PALM2AKAP2: variants seen among roughly 807,000 people sequenced by gnomAD.
PALM2AKAP2 encodes the protein PALM2-AKAP2 fusion protein.
A neutral mutation model predicts 71.5 loss-of-function variants in PALM2AKAP2; 37 were observed. That is an observed-to-expected ratio of 0.52 (90% CI 0.40 to 0.68). The LOEUF is 0.68. PALM2AKAP2 is among the 30% of genes least tolerant of loss of function. The pLI is 0.00. For synonymous variants in PALM2AKAP2, 468 were observed against 478.8 expected (o/e 0.98, Z 0.29); for missense variants, 1,224 against 1,191.8 (o/e 1.03, Z -0.40).
intron 1 of PALM2AKAP2, among the ~76,000 whole-genome samples, chr9:109,691,211 A>ACACG (rs1564114415): frequency 4.0e-5 from 6 of 151,152 alleles, no homozygotes; most frequent in African/African-American, 1.5e-4. Flanking sequence ...ACACATGCAC[A>ACACG]CACAGCTTCA....
intron 1 of PALM2AKAP2, among the ~76,000 whole-genome samples, chr9:109,698,445 T>C (rs1233135115): frequency 6.6e-6 from 1 of 152,044 alleles, no homozygotes; most frequent in East Asian, 1.9e-4. Flanking sequence ...GCCTGGCTAA[T>C]ATTTTGTATT....
intron 6 of PALM2AKAP2, among the ~76,000 whole-genome samples, chr9:109,951,978 T>C (rs1173329015): frequency 6.6e-6 from 1 of 152,226 alleles, no homozygotes; most frequent in Non-Finnish European, 1.5e-5. Context: ...GTTCATCTGG[T>C]GCAGTCTGCT....
At chr9:110,106,484 T>TAAGGCTACA (rs1256919491) in intron 1 of PALM2AKAP2, among the ~76,000 whole-genome samples, 3 of 152,156 alleles carry the variant, frequency 2.0e-5, no homozygotes, top group Non-Finnish European at 4.4e-5. Context: ...GGGGGATGTG[T>TAAGGCTACA]AAGGCTACAA....
intron 6 of PALM2AKAP2, among the ~76,000 whole-genome samples, chr9:109,989,126 GTGT>G (rs1832430544): frequency 6.6e-6 from 1 of 152,184 alleles, no homozygotes; most frequent in African/African-American, 2.4e-5. Flanking sequence ...TAATACAGAT[GTGT>G]TGAGAGGTCA....
chr9:109,973,126 TC>T (rs1239530229), intron 6 of PALM2AKAP2, among the ~76,000 whole-genome samples: 1 of 152,212 alleles, frequency 6.6e-6, no homozygotes. Flanking sequence ...AAAATCTACT[TC>T]TTTTTTATGC....
intron 2 of PALM2AKAP2, among the ~76,000 whole-genome samples, chr9:110,141,900 T>C (rs1588133609): frequency 6.6e-6 from 1 of 152,154 alleles, no homozygotes. Context: ...ACAAAAGTTA[T>C]CTAGACAGAA....
intron 1 of PALM2AKAP2, among the ~76,000 whole-genome samples, chr9:109,859,759 C>T (rs55919306): frequency 0.013 from 2,047 of 152,264 alleles, 44 homozygotes; most frequent in African/African-American, 0.047. Flanking sequence ...GGTGATGTTG[C>T]GGGTTAAATG....
At chr9:109,930,329 G>C (rs187347388) in intron 5 of PALM2AKAP2, among the ~76,000 whole-genome samples, 1 of 151,906 alleles carries the variant, frequency 6.6e-6, no homozygotes. Flanking sequence ...GGGTTCAAGC[G>C]ATCCTCCTGC....
At chr9:109,729,490 A>T (rs1473729144) in intron 1 of PALM2AKAP2, among the ~76,000 whole-genome samples, 1 of 152,204 alleles carries the variant, frequency 6.6e-6, no homozygotes, top group Non-Finnish European at 1.5e-5. Context: ...TGAGCAAATC[A>T]CTCAACTTTC....
intron 1 of PALM2AKAP2, among the ~76,000 whole-genome samples, chr9:110,118,403 C>T (rs967854301): frequency 1.3e-5 from 2 of 152,004 alleles, no homozygotes; most frequent in South Asian, 2.1e-4. Context: ...CCCACCACCA[C>T]GCCCGGCTAA....
chr9:110,011,731 G>A (rs939847534), intron 6 of PALM2AKAP2, among the ~76,000 whole-genome samples: 5 of 152,206 alleles, frequency 3.3e-5, no homozygotes, highest in African/African-American at 4.8e-5. Flanking sequence ...TGTGCGCAGT[G>A]TGTGGGTTAA....
chr9:109,837,619 G>A (rs932664319), intron 1 of PALM2AKAP2, among the ~76,000 whole-genome samples: 1 of 152,108 alleles, frequency 6.6e-6, no homozygotes, highest in Non-Finnish European at 1.5e-5. Context: ...TCAGTGTGCT[G>A]TATTCAGGAG....
chr9:109,785,321 G>A (rs1470148509), intron 1 of PALM2AKAP2, among the ~76,000 whole-genome samples: 1 of 152,166 alleles, frequency 6.6e-6, no homozygotes, highest in African/African-American at 2.4e-5. Context: ...TGAAAACCTT[G>A]TATATGCTAC....
At chr9:109,976,562 G>A (rs376327008) in intron 6 of PALM2AKAP2, among the ~76,000 whole-genome samples, 14 of 152,158 alleles carry the variant, frequency 9.2e-5, no homozygotes, top group African/African-American at 3.4e-4. Context: ...ATAAATCTAG[G>A]TTGCTGTAGT....
intron 6 of PALM2AKAP2, among the ~76,000 whole-genome samples, chr9:110,006,330 C>CTTT (rs985797403): frequency 1.7e-5 from 2 of 118,412 alleles, no homozygotes; most frequent in South Asian, 3.6e-4. Context: ...CCTTCTCTTT[C>CTTT]TTTCTTTCTT....
intron 6 of PALM2AKAP2, among the ~76,000 whole-genome samples, chr9:110,002,024 T>G (rs1411197408): frequency 6.6e-6 from 1 of 152,230 alleles, no homozygotes; most frequent in African/African-American, 2.4e-5. Flanking sequence ...CCTTCCTGAT[T>G]GCCCTGGCCA....
intron 7 of PALM2AKAP2, chr9:110,025,067 A>G: frequency 8.8e-7 from 1 of 1,131,704 alleles, no homozygotes; most frequent in East Asian, 2.3e-5. Context: ...CTCGGCTCAG[A>G]GTGCTTAATG....
chr9:109,663,941 A>G (rs2118465328), intron 1 of PALM2AKAP2, among the ~76,000 whole-genome samples: 1 of 152,274 alleles, frequency 6.6e-6, no homozygotes, highest in South Asian at 2.1e-4. Flanking sequence ...CCATTATGTA[A>G]TGGCCTTCTT....
intron 3 of PALM2AKAP2, among the ~76,000 whole-genome samples, chr9:109,896,675 G>A (rs1394218066): frequency 1.3e-5 from 2 of 152,082 alleles, no homozygotes; most frequent in Non-Finnish European, 2.9e-5. Context: ...GCCAAGCATG[G>A]TGGTACATGC....
Sources: gnomAD v4.1 joint callset for allele counts (sites outside exome capture counted in the v4.1 genomes callset) on GRCh38, gnomAD v4.1.1 for gene constraint, MANE v1.5 for transcripts, NCBI Gene and HGNC (gene_info 2026-07-23, HGNC 2026-07-21) for gene names.